PEX14: variants seen among roughly 807,000 people sequenced by gnomAD.
PEX14 encodes the protein peroxisomal biogenesis factor 14, also known as peroxisomal membrane protein PEX14.
PEX14 carries 15 observed loss-of-function variants against 49.5 expected under a neutral mutation model. That is an observed-to-expected ratio of 0.30 (90% confidence interval 0.20 to 0.47). PEX14 has a LOEUF of 0.47. PEX14 is among the 20% of genes least tolerant of loss of function. The pLI, the probability that PEX14 is intolerant of heterozygous loss-of-function variation, is 1.00. For synonymous variants in PEX14, 210 were observed against 212.7 expected (o/e 0.99, Z 0.11); for missense variants, 398 against 494.8 (o/e 0.80, Z 1.86).
At chr1:10,515,578 T>G (rs982697619) in intron 2 of PEX14, among the ~76,000 whole-genome samples, 1 of 152,222 alleles carries the variant, frequency 6.6e-6, no homozygotes, top group East Asian at 1.9e-4. Flanking sequence ...CTCTTATTTT[T>G]GTGTATCCTG....
chr1:10,499,110 AC>A (rs1641621882), intron 2 of PEX14, among the ~76,000 whole-genome samples: 2 of 152,370 alleles, frequency 1.3e-5, no homozygotes, highest in African/African-American at 4.8e-5. Context: ...GGATACTGAA[AC>A]TTGGGTTAAA....
At chr1:10,624,589 C>T (rs1641692268) in intron 7 of PEX14, 152 bp downstream of exon 7, 31 of 682,896 alleles carry the variant, frequency 4.5e-5, no homozygotes, top group South Asian at 2.0e-4. Flanking sequence ...GCTGCCCTTT[C>T]TCTCCTTGTA....
chr1:10,576,941 G>T (rs183364710), intron 3 of PEX14, among the ~76,000 whole-genome samples: 3 of 151,570 alleles, frequency 2.0e-5, no homozygotes, highest in Non-Finnish European at 4.4e-5. Context: ...TTAGTAGAGG[G>T]GGTTTCACCA....
chr1:10,491,252 A>G (rs868324660), intron 1 of PEX14, among the ~76,000 whole-genome samples: 1 of 152,154 alleles, frequency 6.6e-6, no homozygotes, highest in Non-Finnish European at 1.5e-5. Flanking sequence ...AATAAAAAAA[A>G]GGCCAGGTGT....
intron 3 of PEX14, among the ~76,000 whole-genome samples, chr1:10,571,081 A>G (rs150908023): frequency 3.0e-4 from 42 of 138,624 alleles, no homozygotes; most frequent in Non-Finnish European, 5.7e-4. Context: ...GGTCTCGAAC[A>G]TCTGGGCTCA....
In PEX14 at chr1:10,567,124, C is replaced by T. The variant is rs368582893; in HGVS notation, c.169+30827C>T. Among the ~76,000 whole-genome samples the T allele has an allele frequency of 2.8e-4, 42 of 152,288 alleles. 1 individual carries two copies. The East Asian group carries it at 3.1e-3, about 11-fold the overall frequency. On this transcript the variant is annotated intron_variant, in intron 3 of 8. Transcript: ENST00000356607. ...ATGGACACTGAAATTTGAATTTCAT[C>T]TAATTTTCATGTATCATTAAATTCT...
chr1:10,602,343 C>T (rs764600533), intron 4 of PEX14, among the ~76,000 whole-genome samples: 11 of 151,558 alleles, frequency 7.3e-5, no homozygotes, highest in Admixed American at 6.6e-4. Flanking sequence ...CTTCTCATAC[C>T]GTTACATTGC....
At chr1:10,566,045 G>T (rs1056100982) in intron 3 of PEX14, among the ~76,000 whole-genome samples, 2 of 152,214 alleles carry the variant, frequency 1.3e-5, no homozygotes, top group African/African-American at 4.8e-5. Flanking sequence ...ATCTTATAGG[G>T]TATTTGCTCA....
At chr1:10,484,872 C>G (rs1348609265) in intron 1 of PEX14, among the ~76,000 whole-genome samples, 1 of 151,736 alleles carries the variant, frequency 6.6e-6, no homozygotes, top group African/African-American at 2.4e-5. Context: ...CTTGCCTCCT[C>G]AAAGCCAGCA....
At chr1:10,567,273 A>G (rs1216746322) in intron 3 of PEX14, among the ~76,000 whole-genome samples, 4 of 152,134 alleles carry the variant, frequency 2.6e-5, no homozygotes, top group African/African-American at 4.8e-5. Context: ...GTTTTTCTCC[A>G]TTGATTTGCA....
chr1:10,616,336 G>GCCA (rs1557431072), intron 4 of PEX14, among the ~76,000 whole-genome samples: 1 of 152,160 alleles, frequency 6.6e-6, no homozygotes, highest in Non-Finnish European at 1.5e-5. Context: ...GTCATAAAAC[G>GCCA]CCAGGACATG....
At chr1:10,536,438 AC>A in intron 3 of PEX14, 141 bp downstream of exon 3, 3 of 697,744 alleles carry the variant, frequency 4.3e-6, no homozygotes, top group South Asian at 1.5e-5. Flanking sequence ...GCTGAGGCGA[AC>A]CCCCCAGTGG....
chr1:10,615,487 A>G (rs1170488144), intron 4 of PEX14, among the ~76,000 whole-genome samples: 1 of 152,260 alleles, frequency 6.6e-6, no homozygotes, highest in Non-Finnish European at 1.5e-5. Flanking sequence ...ATTGGCAGGA[A>G]TCTCTGCGTT....
chr1:10,548,771 G>A (rs374458153), intron 3 of PEX14, among the ~76,000 whole-genome samples: 2 of 152,200 alleles, frequency 1.3e-5, no homozygotes, highest in African/African-American at 4.8e-5. Context: ...AGTAAACAGA[G>A]TGATGGGGCA....
intron 3 of PEX14, among the ~76,000 whole-genome samples, chr1:10,537,773 C>T (rs1638880499): frequency 6.6e-6 from 1 of 151,998 alleles, no homozygotes; most frequent in African/African-American, 2.4e-5. Context: ...CCACCGCAGG[C>T]TTTGCTGAGC....
At chr1:10,528,247 G>A (rs1325141949) in intron 2 of PEX14, 27 of 875,752 alleles carry the variant, frequency 3.1e-5, no homozygotes, top group Non-Finnish European at 3.7e-5. Flanking sequence ...TAATCATCCC[G>A]CAGTTCAATA....
chr1:10,505,269 G>A (rs1641761814), intron 2 of PEX14, among the ~76,000 whole-genome samples: 1 of 151,980 alleles, frequency 6.6e-6, no homozygotes, highest in Non-Finnish European at 1.5e-5. Context: ...CAGGAGTTTT[G>A]AGATCAGCCT....
Position 10,583,734 on chromosome 1 carries a change from C to T in PEX14, c.170-15504C>T, listed in dbSNP as rs369451941. On this transcript the variant is annotated intron_variant, in intron 3 of 8. Coordinates refer to ENST00000356607, the MANE Select transcript of PEX14 (RefSeq NM_004565.3). ...TTAAATGGGATGGTTTGGAAAGGCCCCTCTAAGATAACATTTTGAGCAAAA... is the reference window on the plus strand; with the variant it reads ...TTAAATGGGATGGTTTGGAAAGGCCTCTCTAAGATAACATTTTGAGCAAAA... 3.2e-4 allele frequency among the ~76,000 whole-genome samples: 49 copies of T among 152,060 alleles called. 1 individual carries two copies. In the East Asian group the frequency reaches 6.2e-3, roughly 19 times the overall value.
At chr1:10,478,907 G>T (rs987114872) in intron 1 of PEX14, among the ~76,000 whole-genome samples, 2 of 151,636 alleles carry the variant, frequency 1.3e-5, no homozygotes, top group African/African-American at 4.8e-5. Flanking sequence ...CACCACGCCC[G>T]GCTATTTTTT....
Sources: allele counts gnomAD v4.1 joint callset (sites outside exome capture counted in the v4.1 genomes callset), GRCh38; gene constraint gnomAD v4.1.1; transcripts MANE v1.5; gene names NCBI Gene and HGNC (gene_info 2026-07-23, HGNC 2026-07-21).